TNFAIP8: variants seen among roughly 807,000 people sequenced by gnomAD.
The protein encoded by TNFAIP8 is tumor necrosis factor alpha-induced protein 8.
Under a neutral mutation model 13.3 loss-of-function variants are expected in TNFAIP8, and 7 were observed. That is an observed-to-expected ratio of 0.52 (90% CI 0.30 to 0.99). The LOEUF is 0.99. TNFAIP8 is among the 50% of genes least tolerant of loss of function. TNFAIP8 has a pLI of 0.07. For missense variants in TNFAIP8, 258 were observed against 236.9 expected, an observed-to-expected ratio of 1.09 and a Z score of -0.58; for synonymous variants, 94 against 87.6, an observed-to-expected ratio of 1.07 and a Z score of -0.41.
chr5:119,373,703 G>T (rs1213681792), intron 1 of TNFAIP8, among the ~76,000 whole-genome samples: 2 of 152,216 alleles, frequency 1.3e-5, no homozygotes, highest in Non-Finnish European at 2.9e-5. Context: ...AATATGGTAC[G>T]TATGCCACTG....
intron 1 of TNFAIP8, among the ~76,000 whole-genome samples, chr5:119,291,187 T>G (rs1356956415): frequency 6.6e-6 from 1 of 152,254 alleles, no homozygotes; most frequent in African/African-American, 2.4e-5. Flanking sequence ...TAACTTTTCG[T>G]GTATTTATCT....
chr5:119,369,703 G>A (rs1374961381), intron 1 of TNFAIP8, among the ~76,000 whole-genome samples: 3 of 152,188 alleles, frequency 2.0e-5, no homozygotes, highest in Non-Finnish European at 4.4e-5. Flanking sequence ...TGGTACCACA[G>A]TCTGTCAAAA....
At chr5:119,339,055 A>T (rs1398215739) in intron 1 of TNFAIP8, among the ~76,000 whole-genome samples, 2 of 151,856 alleles carry the variant, frequency 1.3e-5, no homozygotes, top group African/African-American at 4.8e-5. Context: ...CTTAAAACAA[A>T]AAAAAAAGGC....
At chr5:119,335,122 A>G (rs1347742517) in intron 1 of TNFAIP8, among the ~76,000 whole-genome samples, 1 of 152,154 alleles carries the variant, frequency 6.6e-6, no homozygotes, top group Non-Finnish European at 1.5e-5. Context: ...TGTTCCTGGT[A>G]AATTTCACTC....
rs1013859199 is a variant in TNFAIP8, at chr5:119,394,154, C to A, written c.*773C>A. On this transcript the variant is annotated 3_prime_UTR_variant, in exon 2 of 2. Transcript: ENST00000504771. Reference sequence around the variant, plus strand: ...TGGTGAATTTTCCATTTTTTACATCCATTTCACATGTAAGAGACAAAAAAG... The same window carrying A: ...TGGTGAATTTTCCATTTTTTACATCAATTTCACATGTAAGAGACAAAAAAG... The A allele has an allele frequency of 1.3e-5, 2 of 152,024 alleles. No individual in the cohort carries two copies. Among genetic ancestry groups the A allele is most frequent in the Admixed American group, 1.3e-4 (2 of 15,268 alleles). 9.4% of individuals were successfully genotyped at this position (152,024 alleles called of 1,614,324 possible). A position where few individuals can be genotyped will look rare whatever the true frequency, so the allele number is the denominator to read the frequency against.
At chr5:119,348,341 C>T (rs1295155727) in intron 1 of TNFAIP8, among the ~76,000 whole-genome samples, 1 of 152,204 alleles carries the variant, frequency 6.6e-6, no homozygotes, top group African/African-American at 2.4e-5. Flanking sequence ...TTTATCTCAT[C>T]ACAAAATTAT....
At chr5:119,290,767 G>A (rs1234796405) in intron 1 of TNFAIP8, among the ~76,000 whole-genome samples, 1 of 152,154 alleles carries the variant, frequency 6.6e-6, no homozygotes, top group African/African-American at 2.4e-5. Context: ...TAAAATTGAT[G>A]GATTTTCAGT....
intron 1 of TNFAIP8, among the ~76,000 whole-genome samples, chr5:119,347,448 T>C (rs1391987106): frequency 6.6e-6 from 1 of 152,180 alleles, no homozygotes; most frequent in Admixed American, 6.5e-5. Context: ...GGTTGGTGAA[T>C]TTTAGATCTC....
At chr5:119,294,131 G>A (rs1040814744) in intron 1 of TNFAIP8, among the ~76,000 whole-genome samples, 1 of 151,522 alleles carries the variant, frequency 6.6e-6, no homozygotes, top group African/African-American at 2.4e-5. Context: ...GTGCCATGCT[G>A]GTGCGCTGCA....
At chr5:119,291,842 G>A (rs973209987) in intron 1 of TNFAIP8, among the ~76,000 whole-genome samples, 1 of 152,170 alleles carries the variant, frequency 6.6e-6, no homozygotes, top group Admixed American at 6.5e-5. Context: ...TTTTGCTTTT[G>A]TCTCTTGAAA....
intron 1 of TNFAIP8, among the ~76,000 whole-genome samples, chr5:119,371,283 C>G (rs933225958): frequency 6.6e-6 from 1 of 152,134 alleles, no homozygotes; most frequent in Non-Finnish European, 1.5e-5. Flanking sequence ...CAGAGAAGCA[C>G]TTGTTCGTTG....
intron 1 of TNFAIP8, among the ~76,000 whole-genome samples, chr5:119,282,097 G>C (rs1382721876): frequency 6.6e-6 from 1 of 152,142 alleles, no homozygotes; most frequent in African/African-American, 2.4e-5. Context: ...ATTTCATTCA[G>C]TCAACAGAGT....
At chr5:119,353,193 A>G (rs1346393576), upstream of TNFAIP8, among the ~76,000 whole-genome samples, 1 of 152,238 alleles carries the variant, frequency 6.6e-6, no homozygotes. Flanking sequence ...TTAAACATAC[A>G]AGAATCAACA....
chr5:119,346,650 C>T (rs1252206000), intron 1 of TNFAIP8, among the ~76,000 whole-genome samples: 15 of 152,180 alleles, frequency 9.9e-5, no homozygotes, highest in Admixed American at 9.8e-4. Context: ...AACAACCTAG[C>T]TTTGCAAAGA....
At chr5:119,276,945 A>G (rs1033621037) in intron 1 of TNFAIP8, among the ~76,000 whole-genome samples, 2 of 152,242 alleles carry the variant, frequency 1.3e-5, no homozygotes, top group African/African-American at 2.4e-5. Context: ...TGAACCCTAT[A>G]TAAGCTATAT....
At chr5:119,314,708 C>T (rs1466970541) in intron 1 of TNFAIP8, among the ~76,000 whole-genome samples, 1 of 152,100 alleles carries the variant, frequency 6.6e-6, no homozygotes, top group Non-Finnish European at 1.5e-5. Flanking sequence ...AGAAATAGGT[C>T]CAGGTCCTGG....
chr5:119,333,092 C>T (rs1470403301), intron 1 of TNFAIP8: 2 of 659,690 alleles, frequency 3.0e-6, no homozygotes, highest in East Asian at 1.4e-4. Context: ...GGGGCCTCTC[C>T]CTTTTTTTTA....
chr5:119,274,171 T>C (rs1184455402), intron 1 of TNFAIP8, among the ~76,000 whole-genome samples: 1 of 151,976 alleles, frequency 6.6e-6, no homozygotes, highest in Admixed American at 6.6e-5. Context: ...GTTCAGACCC[T>C]CACACACATG....
Position 119,396,117 on chromosome 5 carries a change from G to A in TNFAIP8, c.*2736G>A, listed in dbSNP as rs879788153. The A allele has an allele frequency of 1.3e-5, 2 of 152,186 alleles. No homozygotes were observed. Among genetic ancestry groups the A allele is most frequent in the African/African-American group, 2.4e-5 (1 of 41,442 alleles). 9.4% of individuals were successfully genotyped at this position (152,186 alleles called of 1,614,324 possible). ...GAATTTCCTGAGGTCACATGTGCTC[G>A]AGGTGTCCCAGCCGGAATATGTATA... On this transcript the variant is annotated 3_prime_UTR_variant, in exon 2 of 2. Coordinates refer to ENST00000504771, the MANE Select transcript of TNFAIP8 (RefSeq NM_014350.4).
Sources: allele counts gnomAD v4.1 joint callset (sites outside exome capture counted in the v4.1 genomes callset), GRCh38; gene constraint gnomAD v4.1.1; transcripts MANE v1.5; gene names NCBI Gene and HGNC (gene_info 2026-07-23, HGNC 2026-07-21).